Variants in NLRP8 observed in about 807,000 individuals in gnomAD.
NLRP8 encodes NACHT, LRR and PYD domains-containing protein 8.
A neutral mutation model predicts 88.7 loss-of-function variants in NLRP8; 86 were observed. The ratio of observed to expected loss-of-function variants is 0.97; its 90% confidence interval spans 0.81 to 1.16. The LOEUF is 1.16. Ranked by LOEUF, NLRP8 falls within the 50% of genes most tolerant of loss-of-function variation. The probability of loss-of-function intolerance (pLI) is 0.00; values close to 1 mark genes in which losing one functional copy is unlikely to be tolerated. For missense variants in NLRP8, 1,342 were observed against 1,286.5 expected, an observed-to-expected ratio of 1.04 and a Z score of -0.66; for synonymous variants, 504 against 494.6, an observed-to-expected ratio of 1.02 and a Z score of -0.25.
At position 55,954,630 on chromosome 19, in the gene NLRP8, G is replaced by C; in HGVS notation, c.572G>C (p.Cys191Ser). 1.2e-6 allele frequency: 2 copies of C among 1,614,188 alleles called. No individual in the cohort carries two copies. Among genetic ancestry groups the C allele is most frequent in the Non-Finnish European group, 1.7e-6 (2 of 1,180,038 alleles). Residue 191 changes from cysteine to serine, a missense_variant, in exon 3 of 10, where the codon TGT (cysteine) becomes TCT (serine). Physicochemically the swap from Cys to Ser is moderately radical, Grantham distance 112. Transcript: ENST00000291971. ...CACAGGCACGAGGAGTACTTACCATGTCTGCTTCTGCCCAAAAGACCCCAG... is the reference window on the plus strand; with the variant it reads ...CACAGGCACGAGGAGTACTTACCATCTCTGCTTCTGCCCAAAAGACCCCAG...
intron 2 of NLRP8, among the ~76,000 whole-genome samples, chr19:55,953,194 T>C (rs536245959): frequency 3.3e-4 from 50 of 152,166 alleles, no homozygotes; most frequent in Admixed American, 7.9e-4. Context: ...ATGCGAGGGA[T>C]CTAGGCTGTG....
chr19:55,984,061 C>T (rs1674193634), intron 9 of NLRP8, among the ~76,000 whole-genome samples: 1 of 151,908 alleles, frequency 6.6e-6, no homozygotes. Context: ...TTTAACTTTG[C>T]ACTGGAGGTC....
At chr19:55,966,492 G>A (rs1208201515) in intron 5 of NLRP8, 112 bp downstream of exon 5, 1 of 1,067,744 alleles carries the variant, frequency 9.4e-7, no homozygotes, top group East Asian at 2.5e-5. Flanking sequence ...TCTGCTGTTG[G>A]CTTTGTTCAA....
chr19:55,980,841 G>T (rs1980544145), intron 9 of NLRP8, among the ~76,000 whole-genome samples: 1 of 152,128 alleles, frequency 6.6e-6, no homozygotes, highest in African/African-American at 2.4e-5. Context: ...TGATTTGTAG[G>T]AGGAGGGATC....
Position 55,973,707 on chromosome 19 carries a change from A to G in NLRP8, c.2590A>G (p.Arg864Gly). 6.2e-7 allele frequency: 1 copy of G among 1,613,940 alleles called. No homozygotes were observed. Among genetic ancestry groups the G allele is most frequent in the Non-Finnish European group, 8.5e-7 (1 of 1,179,886 alleles). Residue 864 changes from arginine (R) to glycine (G), a missense_variant, in exon 7 of 10, where the codon AGG becomes GGG. By Grantham distance (125) the Arg-to-Gly change is moderately radical. Coordinates refer to ENST00000291971, the MANE Select transcript of NLRP8 (RefSeq NM_176811.2). ...TTGTGAAAGCCTTGCCTCCTGTCTCAGGCAGAGTAAGATGCTGACCCACCT... is the reference window on the plus strand; with the variant it reads ...TTGTGAAAGCCTTGCCTCCTGTCTCGGGCAGAGTAAGATGCTGACCCACCT...
Position 55,966,320 on chromosome 19 carries a change from A to G in NLRP8, c.2321A>G (p.Lys774Arg). The change falls in exon 5 of 10, where the codon AAA becomes AGA. Residue 774 changes from lysine to arginine, a missense_variant. Transcript: ENST00000291971. ...ATACAACATGTGGAAGTGGAGTCCA[A>G]AGCTGTGAAGCTTCTATGCAGGGTG... The G allele has an allele frequency of 1.2e-6, 2 of 1,614,098 alleles. No homozygotes were observed. The highest frequency in any genetic ancestry group is 1.1e-5 in the South Asian group (1 of 91,078).
Position 55,955,321 on chromosome 19 carries a change from A to G in NLRP8, c.1263A>G (p.Pro421=). Residue 421 remains proline, a synonymous_variant, in exon 3 of 10, where the codon CCA becomes CCG. Transcript: ENST00000291971. Reference sequence around the variant, plus strand: ...GAAACAATCTCACACAGTCATGTCCAAATGCCACCTCTGTGTTCGTCCGGT... The same window carrying G: ...GAAACAATCTCACACAGTCATGTCCGAATGCCACCTCTGTGTTCGTCCGGT... 3 of 1,614,212 alleles carry G rather than the reference A, an allele frequency of 1.9e-6. No individual in the cohort carries two copies. Among genetic ancestry groups the G allele is most frequent in the Non-Finnish European group, 2.5e-6 (3 of 1,180,028 alleles).
chr19:55,973,511 G>A, intron 6 of NLRP8, 141 bp from the exon 7 acceptor site: 1 of 648,892 alleles, frequency 1.5e-6, no homozygotes, highest in Non-Finnish European at 2.5e-6. Flanking sequence ...TTCCTTGAAA[G>A]CTTGGAAGTC....
In NLRP8 at chr19:55,966,706, C is replaced by A. The variant is rs112823117; in HGVS notation, c.2381+326C>A. 1.9e-3 allele frequency among the ~76,000 whole-genome samples: 284 copies of A among 152,188 alleles called. 2 individuals are homozygous for A. Among genetic ancestry groups the A allele is most frequent in the African/African-American group, 5.4e-3 (224 of 41,520 alleles). ...TAATTACGGGCTGTAATCTCAGCTA[C>A]TCGGGAGGCTGAGGCAGGATAATTG... On this transcript the variant is annotated intron_variant, in intron 5 of 9. Coordinates refer to ENST00000291971, the MANE Select transcript of NLRP8 (RefSeq NM_176811.2).
At chr19:55,987,770 C>T in intron 9 of NLRP8, 1 of 1,449,730 alleles carries the variant, frequency 6.9e-7, no homozygotes. Flanking sequence ...CACTCATCCT[C>T]AGAAAATAAC....
intron 4 of NLRP8, among the ~76,000 whole-genome samples, chr19:55,965,376 G>A (rs1979789597): frequency 6.6e-6 from 1 of 151,962 alleles, no homozygotes; most frequent in Non-Finnish European, 1.5e-5. Flanking sequence ...ACTTGAACCT[G>A]GGAGGCAGAG....
At chr19:55,984,606 A>C (rs1372832742) in intron 9 of NLRP8, among the ~76,000 whole-genome samples, 1 of 146,834 alleles carries the variant, frequency 6.8e-6, no homozygotes, top group Non-Finnish European at 1.5e-5. Context: ...TTGAGCCGAG[A>C]TCGCGCCATT....
intron 6 of NLRP8, among the ~76,000 whole-genome samples, chr19:55,972,790 G>GGT (rs779127687): frequency 0.14 from 18,718 of 138,584 alleles, 1,372 homozygotes; most frequent in South Asian, 0.21. Flanking sequence ...AGTATTCCAT[G>GGT]GTGTGTGTGT....
At chr19:55,973,271 C>T (rs1980158979) in intron 6 of NLRP8, among the ~76,000 whole-genome samples, 1 of 151,964 alleles carries the variant, frequency 6.6e-6, no homozygotes, top group Non-Finnish European at 1.5e-5. Context: ...TATTCGTGTC[C>T]TTAGCCCACT....
chr19:55,960,217 G>A (rs1000831151), intron 3 of NLRP8, among the ~76,000 whole-genome samples: 4 of 152,066 alleles, frequency 2.6e-5, no homozygotes, highest in Non-Finnish European at 4.4e-5. Flanking sequence ...CCACTCAGTC[G>A]GTGCTGAAAC....
chr19:55,980,255 T>C (rs914102929), intron 9 of NLRP8, among the ~76,000 whole-genome samples: 1 of 152,198 alleles, frequency 6.6e-6, no homozygotes, highest in Admixed American at 6.5e-5. Flanking sequence ...ATGGAGATTT[T>C]ATAATGACTG....
chr19:55,975,234 C>A (rs1002365426), intron 7 of NLRP8, among the ~76,000 whole-genome samples: 3 of 152,142 alleles, frequency 2.0e-5, no homozygotes, highest in Non-Finnish European at 4.4e-5. Context: ...TAATTCAATG[C>A]CCCAAGCATA....
chr19:55,954,483 C>A lies in NLRP8; in HGVS notation c.443-18C>A. The A allele has an allele frequency of 6.2e-7, 1 of 1,606,538 alleles. No homozygotes were observed. The highest frequency in any genetic ancestry group is 1.1e-5 in the South Asian group (1 of 89,654). On this transcript the variant is annotated intron_variant, in intron 2 of 9. Coordinates refer to ENST00000291971, the MANE Select transcript of NLRP8 (RefSeq NM_176811.2). ...CTCTGATGTCATACCCTTTATTTCTCCCATCTCACAAATCTAGGTAAAATA... is the reference window on the plus strand; with the variant it reads ...CTCTGATGTCATACCCTTTATTTCTACCATCTCACAAATCTAGGTAAAATA...
intron 9 of NLRP8, among the ~76,000 whole-genome samples, chr19:55,983,392 A>G (rs1198128043): frequency 7.3e-6 from 1 of 136,412 alleles, no homozygotes; most frequent in Non-Finnish European, 1.5e-5. Flanking sequence ...TGAACCCAGG[A>G]GGTGGAGGTT....
Sources: allele counts gnomAD v4.1 joint callset (sites outside exome capture counted in the v4.1 genomes callset), GRCh38; gene constraint gnomAD v4.1.1; transcripts MANE v1.5; gene names NCBI Gene and HGNC (gene_info 2026-07-23, HGNC 2026-07-21).